ZSWIM7: variants seen among roughly 807,000 people sequenced by gnomAD.
ZSWIM7 encodes the protein zinc finger SWIM domain-containing protein 7.
Under a neutral mutation model 21.1 loss-of-function variants are expected in ZSWIM7, and 22 were observed. The observed-to-expected ratio is 1.04, with a 90% CI of 0.74 to 1.49. The LOEUF is 1.49. Ranked by LOEUF, ZSWIM7 falls within the 40% of genes most tolerant of loss-of-function variation. The pLI is 0.00. For missense variants in ZSWIM7, 193 were observed against 168.0 expected (o/e 1.15, Z -0.82); for synonymous variants, 67 against 66.5 (o/e 1.01, Z -0.04).
chr17:15,982,296 A>T (rs1228892412), intron 3 of ZSWIM7, among the ~76,000 whole-genome samples: 1 of 152,164 alleles, frequency 6.6e-6, no homozygotes, highest in East Asian at 1.9e-4. Context: ...CTTCATTCCT[A>T]GAGTTAACTT....
rs1271289056 is a variant in ZSWIM7 at position 15,976,812 on chromosome 17, G to A, written c.*1235C>T. 1 of 152,228 alleles carries A rather than the reference G, an allele frequency of 6.6e-6. No individual in the cohort carries two copies. Among genetic ancestry groups the A allele is most frequent in the Non-Finnish European group, 1.5e-5 (1 of 68,046 alleles). The allele number at this position is 152,228 out of a possible 1,614,324, so 9.4% of individuals were successfully genotyped here. On this transcript the variant is annotated 3_prime_UTR_variant, in exon 5 of 5. Coordinates refer to ENST00000399277, the MANE Select transcript of ZSWIM7 (RefSeq NM_001042697.2). ...CCCTGCAACAATATTACATGCTTAT[G>A]AAATGCTGCAGACAGGGAATTCCTG...
Position 15,987,284 on chromosome 17 carries a change from A to G in ZSWIM7, c.183T>C (p.Ser61=). The change falls in exon 3 of 5, where the codon AGT becomes AGC. Residue 61 remains serine, a synonymous_variant. Coordinates refer to ENST00000399277, the MANE Select transcript of ZSWIM7 (RefSeq NM_001042697.2). The part of the protein sequence containing the change: ...RQSITLISSP[S]GRRVYQVLGS... ...CTTCTACCTGGTAAACACGCCTTCC[A>G]CTGGGTGATGAGATTAAGGTGATGG... is the stretch of plus-strand genomic sequence containing the variant. 1 of 1,613,038 alleles carries G rather than the reference A, an allele frequency of 6.2e-7. No homozygotes were observed. The highest frequency in any genetic ancestry group is 1.7e-5 in the Admixed American group (1 of 59,800).
chr17:15,980,748 G>A (rs1430696516), intron 4 of ZSWIM7, among the ~76,000 whole-genome samples: 2 of 152,100 alleles, frequency 1.3e-5, no homozygotes, highest in Admixed American at 6.6e-5. Flanking sequence ...ATATTTTTAT[G>A]GGGCCATCTA....
rs558848607 is a variant in ZSWIM7 at position 15,978,172 on chromosome 17, T to C, written c.307-9A>G. On this transcript the variant is annotated splice_polypyrimidine_tract_variant and intron_variant, in intron 4 of 4. Coordinates refer to ENST00000399277, the MANE Select transcript of ZSWIM7 (RefSeq NM_001042697.2). Reference sequence around the variant, plus strand: ...GCCAAGAGATGCTTGCACTGGAATATAAAACACACACACCTATTAGAAACA... The same window carrying C: ...GCCAAGAGATGCTTGCACTGGAATACAAAACACACACACCTATTAGAAACA... 2.5e-6 allele frequency: 4 copies of C among 1,603,520 alleles called. No individual in the cohort carries two copies. Among genetic ancestry groups the C allele is most frequent in the East Asian group, 2.2e-5 (1 of 44,816 alleles).
intron 2 of ZSWIM7, among the ~76,000 whole-genome samples, chr17:15,989,028 TAAATG>T (rs1970450266): frequency 6.6e-6 from 1 of 151,712 alleles, no homozygotes; most frequent in African/African-American, 2.4e-5. Flanking sequence ...AAAAAAAAAA[TAAATG>T]AAACAAACAA....
chr17:15,996,879 C>G (rs1225157581), intron 1 of ZSWIM7, among the ~76,000 whole-genome samples: 1 of 150,570 alleles, frequency 6.6e-6, no homozygotes, highest in African/African-American at 2.4e-5. Context: ...TTTACATGGG[C>G]CGGGTGCGGT....
chr17:15,977,899 G>A lies in ZSWIM7; in HGVS notation c.*148C>T, dbSNP rs1970298692. ...CCACAGCCCACGGCTCCAACCCACA[G>A]CACCTCCTGCAGTCCTGGAGGGAAA... On this transcript the variant is annotated 3_prime_UTR_variant, in exon 5 of 5. Transcript: ENST00000399277. 1.5e-6 allele frequency: 1 copy of A among 664,274 alleles called. No homozygotes were observed. The highest frequency in any genetic ancestry group is 2.6e-6 in the Non-Finnish European group (1 of 379,258). The allele number at this position is 664,274 out of a possible 1,614,324, so 41.1% of individuals were successfully genotyped here. A position where few individuals can be genotyped will look rare whatever the true frequency, so the allele number is the denominator to read the frequency against.
chr17:15,993,379 TA>T (rs1209375060), intron 2 of ZSWIM7, among the ~76,000 whole-genome samples: 1 of 129,660 alleles, frequency 7.7e-6, no homozygotes, highest in African/African-American at 2.8e-5. Flanking sequence ...TTTATTTATT[TA>T]TTTTTGAGAC....
intron 3 of ZSWIM7, among the ~76,000 whole-genome samples, chr17:15,985,821 A>T (rs1159622231): frequency 6.6e-6 from 1 of 152,212 alleles, no homozygotes; most frequent in African/African-American, 2.4e-5. Context: ...ATCCCAAACT[A>T]AAAGCAATGG....
rs1970282779 is a variant in ZSWIM7 at position 15,976,785 on chromosome 17, A to G, written c.*1262T>C. The G allele has an allele frequency of 6.6e-6, 1 of 152,216 alleles. No individual in the cohort carries two copies. The highest frequency in any genetic ancestry group is 6.5e-5 in the Admixed American group (1 of 15,280). The allele number at this position is 152,216 out of a possible 1,614,324, so 9.4% of individuals were successfully genotyped here. Reference sequence around the variant, plus strand: ...CCACTGCTTCAACTCCTTCTGCAGTATCCCTGCAACAATATTACATGCTTA... The same window carrying G: ...CCACTGCTTCAACTCCTTCTGCAGTGTCCCTGCAACAATATTACATGCTTA... On this transcript the variant is annotated 3_prime_UTR_variant, in exon 5 of 5. Coordinates refer to ENST00000399277, the MANE Select transcript of ZSWIM7 (RefSeq NM_001042697.2).
chr17:15,985,421 G>T (rs2151623779), intron 3 of ZSWIM7, among the ~76,000 whole-genome samples: 1 of 152,212 alleles, frequency 6.6e-6, no homozygotes, highest in East Asian at 1.9e-4. Context: ...CCTATGGGAT[G>T]AAGAATGACC....
rs554216980 is a variant in ZSWIM7 at position 15,984,926 on chromosome 17, G to A, written c.201+2340C>T. Among the ~76,000 whole-genome samples the A allele has an allele frequency of 2.6e-5, 4 of 152,292 alleles. No individual in the cohort carries two copies. The South Asian group carries it at 8.3e-4, about 32-fold the overall frequency. On this transcript the variant is annotated intron_variant, in intron 3 of 4. Transcript: ENST00000399277. ...GAGATCTAAAACTTTGTTTTTGTAA[G>A]CCTTTCAGATTTGGGGTCATTGATA...
intron 4 of ZSWIM7, 25 bp from the exon 5 acceptor site, chr17:15,978,188 A>G (rs1970303011): frequency 6.3e-7 from 1 of 1,576,322 alleles, no homozygotes. Flanking sequence ...ACACACACCT[A>G]TTAGAAACAG....
At chr17:15,985,707 T>C (rs963051471) in intron 3 of ZSWIM7, among the ~76,000 whole-genome samples, 1 of 152,154 alleles carries the variant, frequency 6.6e-6, no homozygotes, top group Admixed American at 6.5e-5. Context: ...TAAGTTACTG[T>C]TGACCAATGG....
intron 2 of ZSWIM7, among the ~76,000 whole-genome samples, chr17:15,987,668 T>C (rs1332229497): frequency 2.6e-5 from 4 of 152,050 alleles, no homozygotes; most frequent in African/African-American, 7.2e-5. Context: ...TGGAGTGCAA[T>C]GGCGCAATCT....
At chr17:15,979,857 C>T (rs1390021971) in intron 4 of ZSWIM7, among the ~76,000 whole-genome samples, 2 of 98,194 alleles carry the variant, frequency 2.0e-5, no homozygotes, top group Admixed American at 9.3e-5. Flanking sequence ...CCGGACGGGG[C>T]GGCTGGCCGG....
At chr17:15,990,171 G>C (rs1970464345) in intron 2 of ZSWIM7, among the ~76,000 whole-genome samples, 1 of 144,734 alleles carries the variant, frequency 6.9e-6, no homozygotes, top group African/African-American at 2.6e-5. Flanking sequence ...AGTGAGCCGG[G>C]ATCGCGCCAC....
intron 1 of ZSWIM7, among the ~76,000 whole-genome samples, chr17:15,996,638 CATAAT>C (rs1970558670): frequency 6.6e-6 from 1 of 151,860 alleles, no homozygotes; most frequent in Admixed American, 6.6e-5. Flanking sequence ...GTCTGTGTGC[CATAAT>C]ATAAGGTAGT....
chr17:15,992,461 T>C (rs1970498819), intron 2 of ZSWIM7, among the ~76,000 whole-genome samples: 1 of 133,682 alleles, frequency 7.5e-6, no homozygotes, highest in African/African-American at 3.0e-5. Flanking sequence ...TTTTTTGAGA[T>C]AGAGTTTCGC....
Sources: allele counts gnomAD v4.1 joint callset (sites outside exome capture counted in the v4.1 genomes callset), GRCh38; gene constraint gnomAD v4.1.1; transcripts MANE v1.5; gene names NCBI Gene and HGNC (gene_info 2026-07-23, HGNC 2026-07-21).